CALCRL: variants seen among roughly 807,000 people sequenced by gnomAD.
CALCRL encodes the protein calcitonin receptor like receptor, also known as calcitonin gene-related peptide type 1 receptor.
A neutral mutation model predicts 60.4 loss-of-function variants in CALCRL; 27 were observed. The ratio of observed to expected loss-of-function variants is 0.45; its 90% confidence interval spans 0.33 to 0.62. The LOEUF (loss-of-function observed/expected upper bound fraction) is 0.62, where lower values mean the gene tolerates loss of function less well. Ranked by LOEUF, CALCRL falls within the 20% of genes least tolerant of loss-of-function variation. The pLI is 0.03. For synonymous variants in CALCRL, 190 were observed against 182.6 expected (o/e 1.04, Z -0.33); for missense variants, 424 against 540.7 (o/e 0.78, Z 2.14).
In CALCRL at chr2:187,346,385, C is replaced by T. The variant is rs3771095; in HGVS notation, c.1185G>A (p.Leu395=). ...CFFNGEVQAI[L]RRNWNQYKIQ... ...TTTTGTATTGATTCCAGTTTCTTCT[C>T]AGAATTGCTTGAACCTATCAATCAA... is the stretch of plus-strand genomic sequence containing the variant. The change falls in exon 15 of 15, where the codon CTG becomes CTA. Residue 395 remains leucine, a synonymous_variant. Coordinates refer to ENST00000392370, the MANE Select transcript of CALCRL (RefSeq NM_005795.6). 161,267 of 1,608,544 alleles carry T rather than the reference C, an allele frequency of 0.1. 9,015 individuals are homozygous for T. Among genetic ancestry groups the T allele is most frequent in the South Asian group, 0.15 (13,805 of 90,748 alleles).
At chr2:187,417,861 G>A (rs1689685208) in intron 1 of CALCRL, among the ~76,000 whole-genome samples, 2 of 152,152 alleles carry the variant, frequency 1.3e-5, no homozygotes, top group African/African-American at 4.8e-5. Flanking sequence ...AGAGGATAAT[G>A]TTTCAACAGT....
intron 8 of CALCRL, among the ~76,000 whole-genome samples, chr2:187,372,411 G>T (rs1687569276): frequency 6.6e-6 from 1 of 151,586 alleles, no homozygotes; most frequent in African/African-American, 2.4e-5. Context: ...AAGCCCTAAA[G>T]TTACGTCTCT....
chr2:187,430,711 C>T (rs762969872), intron 1 of CALCRL, among the ~76,000 whole-genome samples: 11 of 151,916 alleles, frequency 7.2e-5, no homozygotes, highest in Non-Finnish European at 1.2e-4. Flanking sequence ...GTTTTTTCTT[C>T]GCTTATAAAT....
At position 187,419,435 on chromosome 2, in the gene CALCRL, C is replaced by T. The variant is rs535680899; in HGVS notation, c.-293+28604G>A. The stretch of plus-strand genomic sequence containing the variant: ...AGGCCTGAGGAGAATCCACACCTGC[C>T]AACACCTTGATCTTGGACTTCCAGT... On this transcript the variant is annotated intron_variant, in intron 1 of 14. Transcript: ENST00000392370. 5.3e-5 allele frequency among the ~76,000 whole-genome samples: 8 copies of T among 152,230 alleles called. No individual in the cohort carries two copies. The East Asian group carries it at 1.5e-3, about 29-fold the overall frequency.
intron 12 of CALCRL, among the ~76,000 whole-genome samples, chr2:187,356,417 A>G (rs564114702): frequency 3.1e-3 from 477 of 152,316 alleles, no homozygotes; most frequent in Non-Finnish European, 6.0e-3. Flanking sequence ...AGGATTCCCT[A>G]TAAAATAAAT....
At chr2:187,447,356 T>C (rs1198051709) in intron 1 of CALCRL, among the ~76,000 whole-genome samples, 1 of 151,864 alleles carries the variant, frequency 6.6e-6, no homozygotes, top group African/African-American at 2.4e-5. Context: ...AAAATCTACA[T>C]TTCCTAAACT....
At chr2:187,445,879 A>G (rs1691156455) in intron 1 of CALCRL, among the ~76,000 whole-genome samples, 1 of 151,602 alleles carries the variant, frequency 6.6e-6, no homozygotes, top group Non-Finnish European at 1.5e-5. Flanking sequence ...ATTCATTTAA[A>G]ATAATTTTTA....
In CALCRL at chr2:187,345,101, A is replaced by C. The variant is rs1686222709; in HGVS notation, c.*1083T>G. ...TGGTTGTCTTTAAAATATTTACCAAATATAGCATTCCAGACTCTATTTTAT... is the reference window on the plus strand; with the variant it reads ...TGGTTGTCTTTAAAATATTTACCAACTATAGCATTCCAGACTCTATTTTAT... On this transcript the variant is annotated 3_prime_UTR_variant, in exon 15 of 15. Transcript: ENST00000392370. 6.6e-6 allele frequency: 1 copy of C among 152,200 alleles called. No individual in the cohort carries two copies. 9.4% of individuals were successfully genotyped at this position (152,200 alleles called of 1,614,324 possible). A position where few individuals can be genotyped will look rare whatever the true frequency, so the allele number is the denominator to read the frequency against.
At chr2:187,398,307 T>A (rs1688742997) in intron 1 of CALCRL, among the ~76,000 whole-genome samples, 1 of 151,656 alleles carries the variant, frequency 6.6e-6, no homozygotes, top group African/African-American at 2.4e-5. Flanking sequence ...AAACATGTCT[T>A]GTTTTGTTTT....
At chr2:187,417,620 A>G (rs1689673088) in intron 1 of CALCRL, among the ~76,000 whole-genome samples, 1 of 152,186 alleles carries the variant, frequency 6.6e-6, no homozygotes, top group Non-Finnish European at 1.5e-5. Flanking sequence ...AAGATTCAGT[A>G]GTAACATAAG....
chr2:187,360,493 T>C (rs1687007406), intron 10 of CALCRL, 105 bp downstream of exon 10: 2 of 972,628 alleles, frequency 2.1e-6, no homozygotes, highest in Non-Finnish European at 2.9e-6. Context: ...CTGATATTCT[T>C]TAAAAATGAT....
chr2:187,425,270 C>T (rs2105881336), intron 1 of CALCRL, among the ~76,000 whole-genome samples: 1 of 151,948 alleles, frequency 6.6e-6, no homozygotes, highest in South Asian at 2.1e-4. Flanking sequence ...TAGTGTTATT[C>T]ATTATCAAAA....
chr2:187,362,273 T>G (rs771771728), intron 9 of CALCRL, among the ~76,000 whole-genome samples: 1 of 152,050 alleles, frequency 6.6e-6, no homozygotes, highest in Non-Finnish European at 1.5e-5. Context: ...GACAAAACTC[T>G]GAATCTCCTT....
chr2:187,401,344 C>T (rs1688880474), intron 1 of CALCRL, among the ~76,000 whole-genome samples: 1 of 151,620 alleles, frequency 6.6e-6, no homozygotes, highest in Non-Finnish European at 1.5e-5. Context: ...CTAGCTAACA[C>T]AGCATATCAT....
chr2:187,383,538 G>C (rs906622464), intron 4 of CALCRL, among the ~76,000 whole-genome samples: 1 of 152,102 alleles, frequency 6.6e-6, no homozygotes, highest in South Asian at 2.1e-4. Flanking sequence ...GGCAGAGTGG[G>C]AAACCACAGT....
intron 1 of CALCRL, chr2:187,436,514 A>G (rs886108103): frequency 8.5e-5 from 13 of 152,270 alleles, no homozygotes; most frequent in Non-Finnish European, 1.6e-4. Context: ...ACCACCCAGG[A>G]GGTGGTATTT....
intron 4 of CALCRL, among the ~76,000 whole-genome samples, chr2:187,384,209 A>G (rs866171519): frequency 2.6e-5 from 4 of 152,318 alleles, no homozygotes; most frequent in Non-Finnish European, 5.9e-5. Context: ...CCATTTAACA[A>G]TAACTCTTTC....
intron 14 of CALCRL, among the ~76,000 whole-genome samples, chr2:187,351,545 A>C (rs1173074756): frequency 6.6e-6 from 1 of 151,812 alleles, no homozygotes; most frequent in Non-Finnish European, 1.5e-5. Flanking sequence ...AGAAAGAGGG[A>C]AAATGAGATG....
chr2:187,412,980 A>T (rs1163696221), intron 1 of CALCRL, among the ~76,000 whole-genome samples: 1 of 152,214 alleles, frequency 6.6e-6, no homozygotes, highest in Non-Finnish European at 1.5e-5. Context: ...TGGATCATAA[A>T]TATGCTTTGT....
Sources: gnomAD v4.1 joint callset for allele counts (sites outside exome capture counted in the v4.1 genomes callset) on GRCh38, gnomAD v4.1.1 for gene constraint, MANE v1.5 for transcripts, NCBI Gene and HGNC (gene_info 2026-07-23, HGNC 2026-07-21) for gene names.